The following DAB1 variants were observed in gnomAD, a reference collection of about 807,000 sequenced individuals.
DAB1 encodes the protein DAB adaptor protein 1, also known as disabled homolog 1.
A neutral mutation model predicts 64.6 loss-of-function variants in DAB1; 15 were observed. That is an observed-to-expected ratio of 0.23 (90% CI 0.16 to 0.36). The LOEUF is 0.36. DAB1 is among the 10% of genes least tolerant of loss of function. The pLI, the probability that DAB1 is intolerant of heterozygous loss-of-function variation, is 1.00. For missense variants in DAB1, 596 were observed against 706.7 expected (o/e 0.84, Z 1.78); for synonymous variants, 235 against 251.9 (o/e 0.93, Z 0.64).
intron 5 of DAB1, among the ~76,000 whole-genome samples, chr1:58,005,887 T>C (rs1219047208): frequency 1.3e-5 from 2 of 152,192 alleles, no homozygotes; most frequent in Admixed American, 1.3e-4. Flanking sequence ...ACAATTATTG[T>C]TCCTCCTTTT....
intron 6 of DAB1, among the ~76,000 whole-genome samples, chr1:57,683,408 C>T (rs923346480): frequency 1.3e-5 from 2 of 152,186 alleles, no homozygotes; most frequent in African/African-American, 4.8e-5. Context: ...CTCCACCACA[C>T]AGCACACCTG....
intron 4 of DAB1, among the ~76,000 whole-genome samples, chr1:58,214,013 T>C (rs1658706064): frequency 6.6e-6 from 1 of 152,206 alleles, no homozygotes; most frequent in Non-Finnish European, 1.5e-5. Flanking sequence ...ACACTGCTTC[T>C]GAAATGCAAA....
At chr1:58,155,807 G>T (rs1655191014) in intron 4 of DAB1, among the ~76,000 whole-genome samples, 1 of 152,174 alleles carries the variant, frequency 6.6e-6, no homozygotes, top group Non-Finnish European at 1.5e-5. Context: ...AATTTAGCAG[G>T]CACGTATTCA....
intron 3 of DAB1, among the ~76,000 whole-genome samples, chr1:58,396,686 G>T (rs538201840): frequency 2.0e-5 from 3 of 152,120 alleles, no homozygotes; most frequent in African/African-American, 7.2e-5. Flanking sequence ...AAAAGGGTCA[G>T]AGACAGGGAA....
chr1:58,277,023 G>A (rs1414908847), intron 4 of DAB1, among the ~76,000 whole-genome samples: 1 of 146,188 alleles, frequency 6.8e-6, no homozygotes, highest in African/African-American at 2.5e-5. Context: ...GAGTGTTGCA[G>A]AGACTTTTTT....
At chr1:57,902,270 G>A (rs1342543316) in intron 5 of DAB1, among the ~76,000 whole-genome samples, 2 of 151,558 alleles carry the variant, frequency 1.3e-5, no homozygotes, top group Admixed American at 6.6e-5. Context: ...CAATTGCCAC[G>A]TGTCTTATCT....
chr1:57,137,609 TA>T (rs1307138001), intron 3 of DAB1, among the ~76,000 whole-genome samples: 2 of 152,196 alleles, frequency 1.3e-5, no homozygotes, highest in African/African-American at 4.8e-5. Flanking sequence ...GACCATGCAT[TA>T]GGGACCTTGA....
At chr1:58,384,034 C>T (rs1333494082) in intron 3 of DAB1, among the ~76,000 whole-genome samples, 3 of 152,034 alleles carry the variant, frequency 2.0e-5, no homozygotes, top group African/African-American at 7.2e-5. Flanking sequence ...CTAACCTCAC[C>T]AACACTTGTT....
At chr1:57,702,271 G>T (rs895978299) in intron 6 of DAB1, among the ~76,000 whole-genome samples, 2 of 152,066 alleles carry the variant, frequency 1.3e-5, no homozygotes, top group African/African-American at 4.8e-5. Flanking sequence ...GATTACTTTG[G>T]TGCTGAGTAT....
intron 3 of DAB1, among the ~76,000 whole-genome samples, chr1:58,438,205 A>C (rs562720174): frequency 6.6e-6 from 1 of 152,228 alleles, no homozygotes; most frequent in South Asian, 2.1e-4. Flanking sequence ...GTTTTCTGTC[A>C]TTTGCATATG....
At position 57,291,125 on chromosome 1, in the gene DAB1, A is replaced by G. The variant is rs539012556; in HGVS notation, c.-95T>C. The G allele has an allele frequency of 6.6e-4, 489 of 738,164 alleles. 2 individuals carry two copies. In the African/African-American group the frequency reaches 8.1e-3, roughly 12 times the overall value. 45.7% of individuals were successfully genotyped at this position (738,164 alleles called of 1,614,324 possible). A position where few individuals can be genotyped will look rare whatever the true frequency, so the allele number is the denominator to read the frequency against. On this transcript the variant is annotated 5_prime_UTR_variant, in exon 2 of 15. Coordinates refer to ENST00000371236, the MANE Select transcript of DAB1 (RefSeq NM_001365792.1). ...AAGAGAAAGACTCCTCCCTTCAGAA[A>G]TGACACTCTGAGCTGCACATTTCAT...
At chr1:58,528,816 C>A (rs1204280276) in intron 1 of DAB1, among the ~76,000 whole-genome samples, 1 of 152,200 alleles carries the variant, frequency 6.6e-6, no homozygotes, top group Non-Finnish European at 1.5e-5. Context: ...TAGAGAGAAA[C>A]ATCTCCTCGT....
intron 1 of DAB1, among the ~76,000 whole-genome samples, chr1:57,332,043 A>C (rs1676716448): frequency 6.6e-6 from 1 of 152,094 alleles, no homozygotes; most frequent in South Asian, 2.1e-4. Flanking sequence ...GACTCACTAC[A>C]ACCTCTGCCT....
At chr1:58,473,991 A>G in intron 3 of DAB1, 1 of 1,237,422 alleles carries the variant, frequency 8.1e-7, no homozygotes, top group Non-Finnish European at 1.1e-6. Context: ...CGTAAATATC[A>G]CTTTATGCCT....
rs752267468 is a variant in DAB1, at chr1:57,902,489, T to C, written n.388-18327A>G. ...CAGTCCATATTCAGATGTCCCTAATTGTCTCAATAACGTCCTTTCAGCATC... is the reference window on the plus strand; with the variant it reads ...CAGTCCATATTCAGATGTCCCTAATCGTCTCAATAACGTCCTTTCAGCATC... On this transcript the variant is annotated intron_variant and non_coding_transcript_variant, in intron 5 of 20. Transcript: ENST00000485760. Among the ~76,000 whole-genome samples, 50 of 152,172 alleles carry C rather than the reference T, an allele frequency of 3.3e-4. 1 individual carries two copies. Among genetic ancestry groups the C allele is most frequent in the Non-Finnish European group, 6.5e-4 (44 of 68,018 alleles).
chr1:57,926,313 C>G (rs115239132), intron 5 of DAB1, among the ~76,000 whole-genome samples: 4,308 of 152,212 alleles, frequency 0.028, 98 homozygotes, highest in Non-Finnish European at 0.045. Context: ...CTTGAGAGTT[C>G]CCTTTCATTT....
In DAB1 at chr1:57,266,425, G is replaced by T. The variant is rs549215857; in HGVS notation, c.67+24539C>A. Among the ~76,000 whole-genome samples the T allele has an allele frequency of 7.2e-5, 11 of 152,206 alleles. 1 individual carries two copies. The South Asian group carries it at 2.3e-3, about 32-fold the overall frequency. ...TCTCAATACATGGAGTGTCTCAGATGATTCACTCATGAATTCCTTTTGTTT... is the reference window on the plus strand; with the variant it reads ...TCTCAATACATGGAGTGTCTCAGATTATTCACTCATGAATTCCTTTTGTTT... On this transcript the variant is annotated intron_variant, in intron 2 of 14. Transcript: ENST00000371236.
chr1:58,419,403 A>T (rs1208736305), intron 3 of DAB1, among the ~76,000 whole-genome samples: 2 of 152,202 alleles, frequency 1.3e-5, no homozygotes, highest in African/African-American at 4.8e-5. Context: ...CTGTAAGGAG[A>T]TATGAAAATA....
In DAB1 at chr1:58,207,072, C is replaced by T. The variant is rs544284591; in HGVS notation, n.310-56484G>A. Among the ~76,000 whole-genome samples, 6 of 152,288 alleles carry T rather than the reference C, an allele frequency of 3.9e-5. No individual in the cohort carries two copies. The South Asian group carries it at 8.3e-4, about 21-fold the overall frequency. ...AGCTTGGGGAGCCAATTCATCTCAG[C>T]GGAGGCTCCAAACATCTGCTAGCAC... On this transcript the variant is annotated intron_variant and non_coding_transcript_variant, in intron 4 of 20. Transcript: ENST00000485760.
Sources: gnomAD v4.1 joint callset for allele counts (sites outside exome capture counted in the v4.1 genomes callset) on GRCh38, gnomAD v4.1.1 for gene constraint, MANE v1.5 for transcripts, NCBI Gene and HGNC (gene_info 2026-07-23, HGNC 2026-07-21) for gene names.